Variants in RTTN observed in about 807,000 individuals in gnomAD.
RTTN encodes the protein rotatin.
RTTN carries 182 observed loss-of-function variants against 269.2 expected under a neutral mutation model. The ratio of observed to expected loss-of-function variants is 0.68; its 90% CI spans 0.60 to 0.76. RTTN has a LOEUF of 0.76. RTTN is among the 30% of genes least tolerant of loss of function. The pLI, the probability that RTTN is intolerant of heterozygous loss-of-function variation, is 0.00. For missense variants in RTTN, 2,545 were observed against 2,608.6 expected (o/e 0.98, Z 0.53); for synonymous variants, 1,006 against 963.5 (o/e 1.04, Z -0.82).
intron 19 of RTTN, 59 bp downstream of exon 19, chr18:70,142,229 T>A (rs995785793): frequency 3.5e-6 from 4 of 1,129,064 alleles, no homozygotes; most frequent in East Asian, 4.7e-5. Context: ...CAGTACCATA[T>A]GGCAATCTAA....
intron 25 of RTTN, among the ~76,000 whole-genome samples, chr18:70,122,588 C>T (rs2059767381): frequency 1.3e-5 from 2 of 152,002 alleles, no homozygotes; most frequent in African/African-American, 4.8e-5. Flanking sequence ...AAGACCCAAG[C>T]AAAAATATGG....
chr18:70,037,566 T>C (rs1204356027), intron 40 of RTTN, among the ~76,000 whole-genome samples: 1 of 152,152 alleles, frequency 6.6e-6, no homozygotes, highest in East Asian at 1.9e-4. Context: ...CAGGATTCAT[T>C]ACTTGCTGAC....
At chr18:70,150,215 G>T in intron 15 of RTTN, 128 bp from the exon 16 acceptor site, 1 of 655,224 alleles carries the variant, frequency 1.5e-6, no homozygotes, top group Non-Finnish European at 2.8e-6. Flanking sequence ...TCAAATGTTC[G>T]TACTTCCACA....
chr18:70,043,637 T>C (rs1385224620), intron 40 of RTTN, among the ~76,000 whole-genome samples: 1 of 152,218 alleles, frequency 6.6e-6, no homozygotes, highest in Non-Finnish European at 1.5e-5. Flanking sequence ...CTCCTACTTT[T>C]AGTAAAAACT....
intron 14 of RTTN, among the ~76,000 whole-genome samples, chr18:70,161,117 C>A (rs2060817985): frequency 6.6e-6 from 1 of 152,124 alleles, no homozygotes; most frequent in Non-Finnish European, 1.5e-5. Context: ...GCTACAGTAA[C>A]CAAAACAGCA....
intron 27 of RTTN, among the ~76,000 whole-genome samples, chr18:70,111,655 G>A (rs1238990193): frequency 3.3e-5 from 5 of 152,178 alleles, no homozygotes; most frequent in African/African-American, 1.2e-4. Context: ...GGGACTATGT[G>A]AAAAGACCAA....
intron 40 of RTTN, among the ~76,000 whole-genome samples, chr18:70,047,017 T>C (rs2057509697): frequency 6.6e-6 from 1 of 152,214 alleles, no homozygotes; most frequent in Non-Finnish European, 1.5e-5. Context: ...AATATCTGCA[T>C]GATCATGACT....
chr18:70,184,725 T>TGTGTGG, intron 10 of RTTN, among the ~76,000 whole-genome samples: 2 of 89,646 alleles, frequency 2.2e-5, no homozygotes, highest in African/African-American at 7.2e-5. Context: ...TTTGTGTGTG[T>TGTGTGG]GTGTGTGTGT....
rs144600632 is a variant in RTTN at position 70,095,376 on chromosome 18, G to A, written c.3904-2572C>T. ...CTGGTTATTTTGCCCATTAGTTGACGCAGTTTCTTCATAGCATCAATGGTC... is the reference window on the plus strand; with the variant it reads ...CTGGTTATTTTGCCCATTAGTTGACACAGTTTCTTCATAGCATCAATGGTC... On this transcript the variant is annotated intron_variant, in intron 28 of 48. Coordinates refer to ENST00000640769, the MANE Select transcript of RTTN (RefSeq NM_173630.4). 5.0e-3 allele frequency among the ~76,000 whole-genome samples: 763 copies of A among 152,204 alleles called. 5 individuals are homozygous for A. Among genetic ancestry groups the A allele is most frequent in the African/African-American group, 0.018 (733 of 41,516 alleles).
intron 34 of RTTN, among the ~76,000 whole-genome samples, chr18:70,070,903 G>A (rs181924275): frequency 7.9e-5 from 12 of 152,274 alleles, no homozygotes; most frequent in Admixed American, 2.0e-4. Context: ...TCAGTCCCTT[G>A]CAAATGTTTG....
rs879380082 is a variant in RTTN at position 70,074,141 on chromosome 18, TA to T, written c.4565-148del. The T allele has an allele frequency of 0.084, 28,798 of 344,662 alleles. 347 individuals are homozygous for T. The highest frequency in any genetic ancestry group is 0.13 in the African/African-American group (6,028 of 44,844). 21.4% of individuals were successfully genotyped at this position (344,662 alleles called of 1,614,324 possible). A position where few individuals can be genotyped will look rare whatever the true frequency, so the allele number is the denominator to read the frequency against. On this transcript the variant is annotated intron_variant, in intron 33 of 48. Transcript: ENST00000640769. ...CTGGCTTCTGAGATAGACCACTATT[TA>T]AAAAAAAAAAAATCTAAGGAGAGTT...
chr18:70,162,497 T>C (rs968809269), intron 14 of RTTN, among the ~76,000 whole-genome samples: 6 of 152,124 alleles, frequency 3.9e-5, no homozygotes, highest in Non-Finnish European at 8.8e-5. Context: ...GAAATAATCA[T>C]GTCAGAAGGC....
rs748359185 is a variant in RTTN at position 70,145,699 on chromosome 18, G to A, written c.2394C>T (p.Ala798=). 1 of 1,613,140 alleles carries A rather than the reference G, an allele frequency of 6.2e-7. No individual in the cohort carries two copies. Among genetic ancestry groups the A allele is most frequent in the South Asian group, 1.1e-5 (1 of 90,974 alleles). ...GADTKRPLID[A]RVLSRVTDLF... is the part of the protein sequence containing the mutation. The stretch of plus-strand genomic sequence containing the variant: ...AATCAGTAACTCTGGAGAGAACTCT[G>A]GCGTCTATTAGAGGACGCTTTGTAT... The change falls in exon 18 of 49, where the codon GCC becomes GCT. Residue 798 remains alanine, a synonymous_variant. Coordinates refer to ENST00000640769, the MANE Select transcript of RTTN (RefSeq NM_173630.4).
At chr18:70,174,921 G>A (rs2061248870) in intron 11 of RTTN, among the ~76,000 whole-genome samples, 1 of 151,038 alleles carries the variant, frequency 6.6e-6, no homozygotes, top group African/African-American at 2.4e-5. Flanking sequence ...CCAGCTACTT[G>A]GGAGGCTGAG....
At chr18:70,007,356 C>G (rs898140540) in intron 46 of RTTN, 1 of 152,970 alleles carries the variant, frequency 6.5e-6, no homozygotes, top group Non-Finnish European at 1.5e-5. Context: ...ACCGAGCCAG[C>G]TGCAGGAGAT....
intron 10 of RTTN, among the ~76,000 whole-genome samples, chr18:70,184,703 G>T (rs1033448364): frequency 4.2e-4 from 11 of 26,378 alleles, no homozygotes; most frequent in Non-Finnish European, 1.7e-3. Context: ...ACCACAGCAG[G>T]TTTTTTTTTT....
intron 40 of RTTN, among the ~76,000 whole-genome samples, chr18:70,035,023 C>T (rs1343360371): frequency 6.6e-6 from 1 of 152,098 alleles, no homozygotes; most frequent in Non-Finnish European, 1.5e-5. Flanking sequence ...TGAAAGATCT[C>T]TACAAGGAGA....
At chr18:70,041,907 C>T (rs117190313) in intron 40 of RTTN, among the ~76,000 whole-genome samples, 1,881 of 152,088 alleles carry the variant, frequency 0.012, 22 homozygotes, top group South Asian at 0.038. Context: ...TGATAAGCCC[C>T]AGAAGACAAG....
At chr18:70,165,736 A>G (rs1296191438) in intron 14 of RTTN, among the ~76,000 whole-genome samples, 1 of 152,150 alleles carries the variant, frequency 6.6e-6, no homozygotes, top group African/African-American at 2.4e-5. Context: ...AATCTAGGCC[A>G]CAACAACCTA....
Sources: gnomAD v4.1 joint callset for allele counts (sites outside exome capture counted in the v4.1 genomes callset) on GRCh38, gnomAD v4.1.1 for gene constraint, MANE v1.5 for transcripts, NCBI Gene and HGNC (gene_info 2026-07-23, HGNC 2026-07-21) for gene names.